ANO1: variants seen among roughly 807,000 people sequenced by gnomAD.
ANO1 encodes the protein anoctamin-1.
Under a neutral mutation model 124.0 loss-of-function variants are expected in ANO1, and 59 were observed. The observed-to-expected ratio is 0.48, with a 90% CI of 0.39 to 0.59. The LOEUF is 0.59. Ranked by LOEUF, ANO1 falls within the 20% of genes least tolerant of loss-of-function variation. The pLI, the probability that ANO1 is intolerant of heterozygous loss-of-function variation, is 0.00. For synonymous variants in ANO1, 529 were observed against 532.0 expected (o/e 0.99, Z 0.08); for missense variants, 1,059 against 1,328.0 (o/e 0.80, Z 3.15).
intron 20 of ANO1, among the ~76,000 whole-genome samples, chr11:70,166,949 C>T (rs145466175): frequency 7.4e-4 from 112 of 152,226 alleles, no homozygotes; most frequent in African/African-American, 2.6e-3. Flanking sequence ...AGTTCAAGAC[C>T]GGCCTGGGCA....
At chr11:69,999,046 AAG>A (rs1267058834) in intron 1 of ANO1, among the ~76,000 whole-genome samples, 17 of 138,234 alleles carry the variant, frequency 1.2e-4, no homozygotes, top group African/African-American at 3.6e-4. Flanking sequence ...AAAAAAAAAA[AAG>A]AGATTTTTTA....
upstream of ANO1, among the ~76,000 whole-genome samples, chr11:69,981,607 C>A (rs1855960397): frequency 6.6e-6 from 1 of 152,194 alleles, no homozygotes; most frequent in East Asian, 1.9e-4. Context: ...CTGCTGGGAG[C>A]CCCTGGTATC....
chr11:70,153,437 T>C (rs2047681031), intron 14 of ANO1, among the ~76,000 whole-genome samples: 1 of 152,222 alleles, frequency 6.6e-6, no homozygotes, highest in Non-Finnish European at 1.5e-5. Flanking sequence ...CTGAGGGTGA[T>C]CTCAAGTTTT....
upstream of ANO1, among the ~76,000 whole-genome samples, chr11:69,984,117 C>T (rs1855982435): frequency 6.6e-6 from 1 of 152,144 alleles, no homozygotes; most frequent in African/African-American, 2.4e-5. Context: ...TGAGCAATTG[C>T]CATGTATCAC....
At chr11:69,997,137 G>A (rs1168051385) in intron 1 of ANO1, among the ~76,000 whole-genome samples, 1 of 152,138 alleles carries the variant, frequency 6.6e-6, no homozygotes, top group Non-Finnish European at 1.5e-5. Flanking sequence ...TTGGGGGAAA[G>A]CATCCATTCT....
At chr11:70,044,179 G>T (rs1857224085) in intron 1 of ANO1, among the ~76,000 whole-genome samples, 1 of 151,722 alleles carries the variant, frequency 6.6e-6, no homozygotes, top group Admixed American at 6.6e-5. Context: ...CTAAATAAAA[G>T]TAAAATAAAG....
chr11:69,986,882 T>C (rs1445294906), intron 1 of ANO1, among the ~76,000 whole-genome samples: 2 of 152,134 alleles, frequency 1.3e-5, no homozygotes, highest in Non-Finnish European at 2.9e-5. Context: ...GGCCGCAGTG[T>C]GCAGTGGGTT....
intron 1 of ANO1, among the ~76,000 whole-genome samples, chr11:70,010,179 G>GTATATGTATATATA: frequency 1.2e-5 from 1 of 83,814 alleles, no homozygotes; most frequent in East Asian, 5.8e-4. Context: ...GTGTGTGTGT[G>GTATATGTATATATA]TATATATATA....
chr11:69,967,667 C>T, the ANO1 span, among the ~76,000 whole-genome samples: 2 of 152,224 alleles, frequency 1.3e-5, no homozygotes, highest in African/African-American at 2.4e-5. Flanking sequence ...CTGTCACGGC[C>T]CCCGTTTACA....
chr11:70,039,240 G>A (rs1476145781), intron 1 of ANO1, among the ~76,000 whole-genome samples: 1 of 152,140 alleles, frequency 6.6e-6, no homozygotes, highest in Non-Finnish European at 1.5e-5. Context: ...CTTAAACACT[G>A]GAAAGAGAAC....
At chr11:70,135,454 C>A (rs1320109083) in intron 11 of ANO1, among the ~76,000 whole-genome samples, 2 of 152,278 alleles carry the variant, frequency 1.3e-5, no homozygotes, top group Admixed American at 6.5e-5. Context: ...TTTTAAGGGC[C>A]CTGGAGAAAG....
At chr11:69,984,817 G>A (rs1436083929), upstream of ANO1, among the ~76,000 whole-genome samples, 1 of 152,224 alleles carries the variant, frequency 6.6e-6, no homozygotes, top group Non-Finnish European at 1.5e-5. Flanking sequence ...CTCCTCCCTT[G>A]GGGTGCAGAA....
intron 1 of ANO1, among the ~76,000 whole-genome samples, chr11:70,079,248 C>T (rs1180137224): frequency 6.6e-6 from 1 of 152,130 alleles, no homozygotes; most frequent in South Asian, 2.1e-4. Context: ...TTGCCAGAAA[C>T]GCATATTGTG....
chr11:70,013,998 G>A (rs1555001501), intron 1 of ANO1, among the ~76,000 whole-genome samples: 5 of 111,656 alleles, frequency 4.5e-5, no homozygotes, highest in East Asian at 7.5e-4. Context: ...CTCTGTGCAC[G>A]GACAGAGAGA....
At chr11:70,081,614 T>C (rs2044203232) in intron 1 of ANO1, among the ~76,000 whole-genome samples, 1 of 152,210 alleles carries the variant, frequency 6.6e-6, no homozygotes, top group Non-Finnish European at 1.5e-5. Flanking sequence ...CCTTGAGTGA[T>C]CAAGATATTT....
chr11:69,982,465 A>C (rs1422324533), upstream of ANO1, among the ~76,000 whole-genome samples: 10 of 152,146 alleles, frequency 6.6e-5, no homozygotes, highest in Admixed American at 6.5e-4. Flanking sequence ...AGCAGCCTCC[A>C]CCTGCATTTC....
At chr11:70,170,513 G>C (rs891508498) in intron 21 of ANO1, among the ~76,000 whole-genome samples, 13 of 152,194 alleles carry the variant, frequency 8.5e-5, no homozygotes, top group African/African-American at 2.9e-4. Flanking sequence ...GATTCATTGA[G>C]CCTGGGAGGT....
chr11:70,133,110 C>T (rs2046826481), intron 11 of ANO1, among the ~76,000 whole-genome samples: 1 of 152,210 alleles, frequency 6.6e-6, no homozygotes, highest in African/African-American at 2.4e-5. Flanking sequence ...AGAATAGCGC[C>T]ACCTCACCTG....
intron 1 of ANO1, among the ~76,000 whole-genome samples, chr11:70,057,847 G>A (rs372393705): frequency 2.0e-4 from 31 of 152,248 alleles, no homozygotes; most frequent in African/African-American, 7.2e-4. Context: ...GCTTAGCCTG[G>A]GCTCAGAGGC....
Sources: gnomAD v4.1 joint callset for allele counts (sites outside exome capture counted in the v4.1 genomes callset) on GRCh38, gnomAD v4.1.1 for gene constraint, MANE v1.5 for transcripts, NCBI Gene and HGNC (gene_info 2026-07-23, HGNC 2026-07-21) for gene names.